MND1: variants seen among roughly 807,000 people sequenced by gnomAD.
The protein encoded by MND1 is meiotic nuclear divisions 1.
Under a neutral mutation model 35.1 loss-of-function variants are expected in MND1, and 28 were observed. That is an observed-to-expected ratio of 0.80 (90% CI 0.59 to 1.09). The LOEUF (loss-of-function observed/expected upper bound fraction) is 1.09, where lower values mean the gene tolerates loss of function less well. Among genes scored for constraint, MND1 ranks in the 50% least tolerant of loss-of-function variants. The pLI is 0.00. For missense variants in MND1, 213 were observed against 239.6 expected, an observed-to-expected ratio of 0.89 and a Z score of 0.73; for synonymous variants, 69 against 70.5, an observed-to-expected ratio of 0.98 and a Z score of 0.11.
chr4:153,397,409 C>CTA, intron 6 of MND1, 76 bp downstream of exon 6: 2 of 1,004,808 alleles, frequency 2.0e-6, no homozygotes. Flanking sequence ...TGCCTGCTAA[C>CTA]TATTCTCCAT....
At chr4:153,354,590 C>T (rs1172863973) in intron 2 of MND1, among the ~76,000 whole-genome samples, 1 of 152,150 alleles carries the variant, frequency 6.6e-6, no homozygotes. Context: ...GCAGCCTCAA[C>T]CTCCCAGGCT....
chr4:153,369,826 CT>C (rs1773747310), intron 4 of MND1, among the ~76,000 whole-genome samples: 2 of 152,074 alleles, frequency 1.3e-5, no homozygotes, highest in African/African-American at 4.8e-5. Context: ...CACAACAGAA[CT>C]TTGAAAATTA....
chr4:153,361,183 A>G (rs940708869), intron 4 of MND1, among the ~76,000 whole-genome samples: 2 of 152,344 alleles, frequency 1.3e-5, no homozygotes, highest in African/African-American at 4.8e-5. Flanking sequence ...AGGAATCCGT[A>G]CTGAAGGACA....
chr4:153,407,775 C>T (rs1729561441), intron 6 of MND1, among the ~76,000 whole-genome samples: 1 of 151,980 alleles, frequency 6.6e-6, no homozygotes, highest in Non-Finnish European at 1.5e-5. Flanking sequence ...CCTAAAAGAC[C>T]ACATATCGTA....
chr4:153,357,516 A>G (rs994193233), intron 3 of MND1, among the ~76,000 whole-genome samples: 15 of 152,194 alleles, frequency 9.9e-5, no homozygotes, highest in African/African-American at 3.6e-4. Context: ...GTGGATCATC[A>G]TAAAGTTCTT....
intron 4 of MND1, chr4:153,361,729 T>G: frequency 2.9e-6 from 1 of 348,800 alleles, no homozygotes; most frequent in South Asian, 2.2e-5. Context: ...TCCCAGCTAC[T>G]GGGGAGGCTG....
At chr4:153,347,684 T>C (rs1773106539) in intron 1 of MND1, among the ~76,000 whole-genome samples, 1 of 152,194 alleles carries the variant, frequency 6.6e-6, no homozygotes, top group South Asian at 2.1e-4. Context: ...AGGGAAGTTC[T>C]GGAGGGAGAG....
At chr4:153,409,075 G>A (rs199533921) in intron 7 of MND1, 60 bp downstream of exon 7, 106 of 979,614 alleles carry the variant, frequency 1.1e-4, no homozygotes, top group Non-Finnish European at 3.6e-5. Flanking sequence ...TTACTGCGAC[G>A]TGAAATTCAG....
intron 4 of MND1, 50 bp from the exon 5 acceptor site, chr4:153,394,212 A>G (rs746707491): frequency 2.3e-5 from 35 of 1,554,238 alleles, no homozygotes; most frequent in Non-Finnish European, 3.0e-5. Flanking sequence ...ATCAACTACT[A>G]CATGTCAGTT....
At chr4:153,349,009 A>G (rs13114218) in intron 1 of MND1, among the ~76,000 whole-genome samples, 15 of 151,668 alleles carry the variant, frequency 9.9e-5, no homozygotes, top group Non-Finnish European at 1.9e-4. Context: ...ATAATCCCCT[A>G]CAATTTTTGA....
At chr4:153,359,824 T>G (rs1162373614) in intron 4 of MND1, among the ~76,000 whole-genome samples, 6 of 151,616 alleles carry the variant, frequency 4.0e-5, no homozygotes, top group Admixed American at 3.9e-4. Flanking sequence ...TTTCACTTTT[T>G]TTGACCAGGC....
chr4:153,371,437 T>C (rs1773787146), intron 4 of MND1, among the ~76,000 whole-genome samples: 1 of 152,130 alleles, frequency 6.6e-6, no homozygotes, highest in South Asian at 2.1e-4. Flanking sequence ...TTTTGTTTAG[T>C]GTAGCTTGGC....
At chr4:153,398,675 G>A (rs546857036) in intron 6 of MND1, among the ~76,000 whole-genome samples, 40 of 152,322 alleles carry the variant, frequency 2.6e-4, no homozygotes, top group African/African-American at 9.4e-4. Flanking sequence ...TGTAAATTAA[G>A]TATTTGGGGA....
intron 4 of MND1, among the ~76,000 whole-genome samples, chr4:153,367,704 A>G (rs1193736871): frequency 2.0e-5 from 3 of 152,204 alleles, no homozygotes; most frequent in Admixed American, 6.5e-5. Flanking sequence ...GTGTATACCT[A>G]GGAGTAGAAC....
chr4:153,406,817 T>C (rs547960478), intron 6 of MND1, among the ~76,000 whole-genome samples: 3 of 152,332 alleles, frequency 2.0e-5, no homozygotes, highest in Admixed American at 2.0e-4. Context: ...AATAAAGACA[T>C]ACCTGAGACT....
chr4:153,350,372 C>A (rs1402169479), intron 2 of MND1, among the ~76,000 whole-genome samples: 1 of 152,126 alleles, frequency 6.6e-6, no homozygotes, highest in East Asian at 1.9e-4. Flanking sequence ...TCTTCTGATG[C>A]ATATATTTGA....
chr4:153,397,270 G>A lies in MND1; in HGVS notation c.403G>A (p.Glu135Lys). 6.2e-7 allele frequency: 1 copy of A among 1,612,960 alleles called. No individual in the cohort carries two copies. Among genetic ancestry groups the A allele is most frequent in the Non-Finnish European group, 8.5e-7 (1 of 1,179,338 alleles). ...KELSSLRDQREQLKAEVEKYK... is the reference protein window; with the variant it reads ...KELSSLRDQRKQLKAEVEKYK... The stretch of plus-strand genomic sequence containing the variant: ...GCTTTCTTCACTTCGAGACCAAAGG[G>A]AACAGCTAAAGGCAGAAGTAGAAAA... The change falls in exon 6 of 8, where the codon GAA becomes AAA. Residue 135 changes from glutamate to lysine, a missense_variant. Physicochemically the swap from Glu to Lys is moderately conservative, Grantham distance 56 (BLOSUM62 1). Coordinates refer to ENST00000240488, the MANE Select transcript of MND1 (RefSeq NM_032117.4).
intron 7 of MND1, among the ~76,000 whole-genome samples, chr4:153,412,809 CTT>C (rs112832041): frequency 7.9e-5 from 10 of 127,150 alleles, no homozygotes; most frequent in Non-Finnish European, 8.4e-5. Context: ...TCTTTTTTTT[CTT>C]TTTTTTTTTT....
Position 153,361,271 on chromosome 4 carries a change from T to C in MND1, c.276+2649T>C, listed in dbSNP as rs563295701. ...TGTTTGAAAATGTCTAATTTATCATTGCTTCCCGAATATAGAATTCTTAGT... is the reference window on the plus strand; with the variant it reads ...TGTTTGAAAATGTCTAATTTATCATCGCTTCCCGAATATAGAATTCTTAGT... On this transcript the variant is annotated intron_variant, in intron 4 of 7. Transcript: ENST00000240488. 3.3e-5 allele frequency among the ~76,000 whole-genome samples: 5 copies of C among 152,360 alleles called. No homozygotes were observed. In the East Asian group the frequency reaches 9.6e-4, roughly 29 times the overall value.
Sources: gnomAD v4.1 joint callset for allele counts (sites outside exome capture counted in the v4.1 genomes callset) on GRCh38, gnomAD v4.1.1 for gene constraint, MANE v1.5 for transcripts, NCBI Gene and HGNC (gene_info 2026-07-23, HGNC 2026-07-21) for gene names.